Variants in CENPK observed in about 807,000 individuals in gnomAD.
The protein encoded by CENPK is SoxLZ/Sox6-binding protein Solt.
A neutral mutation model predicts 40.9 loss-of-function variants in CENPK; 46 were observed. The observed-to-expected ratio is 1.13, with a 90% CI of 0.89 to 1.44. The LOEUF (loss-of-function observed/expected upper bound fraction) is 1.44. Ranked by LOEUF, CENPK falls within the 40% of genes most tolerant of loss-of-function variation. CENPK has a pLI of 0.00. For synonymous variants in CENPK, 107 were observed against 104.4 expected, an observed-to-expected ratio of 1.02 and a Z score of -0.15; for missense variants, 288 against 303.5, an observed-to-expected ratio of 0.95 and a Z score of 0.38.
In CENPK at chr5:65,517,984, A is replaced by G. The variant is rs1743021208; in HGVS notation, c.*491T>C. ...TTTTAAACAAATCTAGAAATAAGAC[A>G]GTATATATGAAACAAATTTGCTAAA... On this transcript the variant is annotated 3_prime_UTR_variant, in exon 11 of 11. Coordinates refer to ENST00000396679, the MANE Select transcript of CENPK (RefSeq NM_022145.5). 6.6e-6 allele frequency: 1 copy of G among 152,144 alleles called. No homozygotes were observed. Among genetic ancestry groups the G allele is most frequent in the African/African-American group, 2.4e-5 (1 of 41,448 alleles). The allele number at this position is 152,144 out of a possible 1,614,324, so 9.4% of individuals were successfully genotyped here.
At chr5:65,522,358 A>C (rs1458295987) in intron 9 of CENPK, among the ~76,000 whole-genome samples, 1 of 152,172 alleles carries the variant, frequency 6.6e-6, no homozygotes, top group Non-Finnish European at 1.5e-5. Context: ...AAATATTTGA[A>C]GACTGCTATT....
At chr5:65,552,643 C>T (rs1476045816) in intron 3 of CENPK, 94 bp from the exon 4 acceptor site, 1 of 618,298 alleles carries the variant, frequency 1.6e-6, no homozygotes, top group East Asian at 3.0e-5. Flanking sequence ...ATATAACACT[C>T]TTCTAAAGCA....
intron 2 of CENPK, among the ~76,000 whole-genome samples, chr5:65,556,523 A>T (rs1561697894): frequency 6.6e-6 from 1 of 152,208 alleles, no homozygotes. Context: ...ACAGTTATAC[A>T]ACATGTTTAT....
At chr5:65,514,819 C>A (rs755741531), downstream of CENPK, among the ~76,000 whole-genome samples, 44 of 152,310 alleles carry the variant, frequency 2.9e-4, no homozygotes, top group Non-Finnish European at 4.7e-4. Context: ...TCCATTTCAT[C>A]TGTTATCAAA....
chr5:65,531,629 G>A (rs1470488845), intron 6 of CENPK, among the ~76,000 whole-genome samples: 4 of 151,484 alleles, frequency 2.6e-5, no homozygotes, highest in African/African-American at 7.3e-5. Context: ...TCAGCCTCCC[G>A]AGTAGCTGGG....
intron 6 of CENPK, among the ~76,000 whole-genome samples, chr5:65,540,468 G>T (rs1747771979): frequency 6.6e-6 from 1 of 152,048 alleles, no homozygotes; most frequent in South Asian, 2.1e-4. Flanking sequence ...TTGACTGATG[G>T]CTGGGAGCCC....
At chr5:65,557,383 T>TAA (rs138576831) in intron 2 of CENPK, among the ~76,000 whole-genome samples, 29,982 of 152,150 alleles carry the variant, frequency 0.2, 3,484 homozygotes, top group South Asian at 0.32. Context: ...GCTGTCTTTA[T>TAA]AAAGAGAATA....
At chr5:65,514,660 TTGAA>T (rs771301116), downstream of CENPK, among the ~76,000 whole-genome samples, 9 of 152,196 alleles carry the variant, frequency 5.9e-5, no homozygotes, top group Non-Finnish European at 1.2e-4. Context: ...CACTTTCTCT[TTGAA>T]TGGTAGAATT....
intron 5 of CENPK, among the ~76,000 whole-genome samples, chr5:65,547,513 A>G (rs561985691): frequency 6.8e-4 from 104 of 152,282 alleles, no homozygotes; most frequent in African/African-American, 2.5e-3. Context: ...CTACACACCT[A>G]TTAGAAATGC....
At chr5:65,512,234 T>C in the CENPK span, among the ~76,000 whole-genome samples, 922 of 152,292 alleles carry the variant, frequency 6.1e-3, 8 homozygotes, top group African/African-American at 0.02. Flanking sequence ...GTGAACATGG[T>C]TGAAATGACA....
At chr5:65,517,695 T>C (rs965278815), downstream of CENPK, 5 of 152,158 alleles carry the variant, frequency 3.3e-5, no homozygotes, top group Non-Finnish European at 7.4e-5. Flanking sequence ...ACTAAATGAG[T>C]CCTATATCTT....
chr5:65,535,852 A>G (rs1746797055), intron 6 of CENPK, among the ~76,000 whole-genome samples: 1 of 152,196 alleles, frequency 6.6e-6, no homozygotes, highest in African/African-American at 2.4e-5. Context: ...GAGATTTCCT[A>G]TAACTCCTGC....
At chr5:65,561,276 G>A (rs1418878043) in intron 2 of CENPK, 187 bp downstream of exon 2, 1 of 221,610 alleles carries the variant, frequency 4.5e-6, no homozygotes, top group Non-Finnish European at 9.5e-6. Flanking sequence ...AAGCGAAAAA[G>A]TCAAACATAA....
intron 9 of CENPK, among the ~76,000 whole-genome samples, chr5:65,522,836 T>A (rs1744024784): frequency 1.3e-5 from 2 of 152,336 alleles, no homozygotes; most frequent in Non-Finnish European, 2.9e-5. Flanking sequence ...TCTCCCACAA[T>A]GATCTAGGTG....
intron 9 of CENPK, among the ~76,000 whole-genome samples, chr5:65,527,565 C>T (rs1270055850): frequency 8.0e-6 from 1 of 124,334 alleles, no homozygotes. Flanking sequence ...GAACTGTTCA[C>T]AATCTTCTGC....
At chr5:65,541,548 C>A in intron 6 of CENPK, 1 of 429,218 alleles carries the variant, frequency 2.3e-6, no homozygotes, top group South Asian at 1.7e-5. Flanking sequence ...TTTTTTTCCT[C>A]TCTATCCTTA....
the CENPK span, among the ~76,000 whole-genome samples, chr5:65,498,352 C>T: frequency 1.3e-5 from 2 of 151,958 alleles, no homozygotes; most frequent in African/African-American, 4.8e-5. Context: ...TTATTTATTA[C>T]ATTTACATAA....
At chr5:65,552,613 T>C in intron 3 of CENPK, 64 bp from the exon 4 acceptor site, 2 of 955,464 alleles carry the variant, frequency 2.1e-6, no homozygotes, top group South Asian at 1.6e-5. Context: ...TCCCTTCCCC[T>C]CTCCTTTTCT....
At chr5:65,508,845 T>C in the CENPK span, among the ~76,000 whole-genome samples, 15 of 148,900 alleles carry the variant, frequency 1.0e-4, no homozygotes, top group Non-Finnish European at 1.6e-4. Flanking sequence ...ATGTTGTGCA[T>C]TGGTTTGGCA....
Sources: gnomAD v4.1 joint callset for allele counts (sites outside exome capture counted in the v4.1 genomes callset) on GRCh38, gnomAD v4.1.1 for gene constraint, MANE v1.5 for transcripts, NCBI Gene and HGNC (gene_info 2026-07-23, HGNC 2026-07-21) for gene names.